FRMD4B: variants seen among roughly 807,000 people sequenced by gnomAD.
The protein encoded by FRMD4B is FERM domain containing 4B, also known as FERM domain-containing protein 4B.
FRMD4B carries 74 observed loss-of-function variants against 141.5 expected under a neutral mutation model. That is an observed-to-expected ratio of 0.52 (90% CI 0.43 to 0.63). The LOEUF (loss-of-function observed/expected upper bound fraction) is 0.63. Among genes scored for constraint, FRMD4B ranks in the 30% least tolerant of loss-of-function variants. The pLI, the probability that FRMD4B is intolerant of heterozygous loss-of-function variation, is 0.00. For synonymous variants in FRMD4B, 506 were observed against 467.9 expected, an observed-to-expected ratio of 1.08 and a Z score of -1.05; for missense variants, 1,366 against 1,253.4, an observed-to-expected ratio of 1.09 and a Z score of -1.36.
chr3:69,244,712 G>A (rs1300171352), intron 7 of FRMD4B, among the ~76,000 whole-genome samples: 1 of 151,976 alleles, frequency 6.6e-6, no homozygotes, highest in African/African-American at 2.4e-5. Context: ...TGGACAACAT[G>A]GTGAAAACTT....
In FRMD4B at chr3:69,456,315, G is replaced by C. The variant is rs1253860099; in HGVS notation, c.-128-23554C>G. On this transcript the variant is annotated intron_variant, in intron 1 of 5. Transcript: ENST00000459638. The stretch of plus-strand genomic sequence containing the variant: ...ATGTAAGTTTTCGAGAAAGCAGTTT[G>C]ATCATGCTTAGCAAAAGACTAAAAA... Among the ~76,000 whole-genome samples the C allele has an allele frequency of 3.3e-5, 5 of 152,316 alleles. No homozygotes were observed. The South Asian group carries it at 8.3e-4, about 25-fold the overall frequency.
At chr3:69,277,859 CT>C (rs57048532) in intron 5 of FRMD4B, among the ~76,000 whole-genome samples, 108,002 of 147,626 alleles carry the variant, frequency 0.73, 39,808 homozygotes, top group East Asian at 0.96. Context: ...TTCTTTCTTT[CT>C]TTTTTTTTTT....
intron 1 of FRMD4B, among the ~76,000 whole-genome samples, chr3:69,457,448 T>C (rs1248328681): frequency 6.6e-6 from 1 of 152,186 alleles, no homozygotes; most frequent in Admixed American, 6.5e-5. Context: ...AAATAAAATA[T>C]TAGTCTACAT....
Position 69,461,128 on chromosome 3 carries a change from G to A in FRMD4B, c.-128-28367C>T, listed in dbSNP as rs764702104. 1.6e-4 allele frequency among the ~76,000 whole-genome samples: 25 copies of A among 152,304 alleles called. 1 individual carries two copies. In the South Asian group the frequency reaches 1.7e-3, roughly 10 times the overall value. On this transcript the variant is annotated intron_variant, in intron 1 of 5. Coordinates refer to the FRMD4B transcript ENST00000459638. The stretch of plus-strand genomic sequence containing the variant: ...TTAGATCTAAAGCAGCTCTCTCTGC[G>A]TGTGATATCCCCTGTCAGTTCTTTG...
At chr3:69,247,322 G>A (rs894174023) in intron 7 of FRMD4B, among the ~76,000 whole-genome samples, 2 of 152,126 alleles carry the variant, frequency 1.3e-5, no homozygotes, top group African/African-American at 2.4e-5. Context: ...TCCATTGAGT[G>A]TGAGCTTTTG....
Position 69,214,794 on chromosome 3 carries a change from C to T in FRMD4B, c.876+1469G>A, listed in dbSNP as rs151094249. On this transcript the variant is annotated intron_variant, in intron 11 of 22. Transcript: ENST00000398540. Reference sequence around the variant, plus strand: ...GAAGGATTGCTTGAGCCAGGGAAATCGAGGCTGCAGTGACCTGTGATCAGG... The same window carrying T: ...GAAGGATTGCTTGAGCCAGGGAAATTGAGGCTGCAGTGACCTGTGATCAGG... Among the ~76,000 whole-genome samples the T allele has an allele frequency of 3.7e-3, 560 of 152,112 alleles. 13 individuals are homozygous for T. The East Asian group carries it at 0.073, about 20-fold the overall frequency.
chr3:69,491,512 T>C (rs1706300744), intron 1 of FRMD4B, among the ~76,000 whole-genome samples: 1 of 152,154 alleles, frequency 6.6e-6, no homozygotes. Context: ...TATTTGCAAT[T>C]AAAGAAAACT....
intron 1 of FRMD4B, among the ~76,000 whole-genome samples, chr3:69,490,667 G>A (rs759925801): frequency 4.6e-5 from 7 of 152,072 alleles, no homozygotes; most frequent in South Asian, 4.1e-4. Context: ...CTTCTGTCTT[G>A]GTTTCCATAT....
chr3:69,424,726 T>G (rs964022321), intron 2 of FRMD4B, among the ~76,000 whole-genome samples: 1 of 152,202 alleles, frequency 6.6e-6, no homozygotes, highest in African/African-American at 2.4e-5. Context: ...AGATATATGT[T>G]GACTACCTTA....
At chr3:69,332,872 C>T (rs919002653) in intron 1 of FRMD4B, among the ~76,000 whole-genome samples, 1 of 151,452 alleles carries the variant, frequency 6.6e-6, no homozygotes, top group Non-Finnish European at 1.5e-5. Flanking sequence ...ATCCACTGTG[C>T]CCAGCCAGGA....
chr3:69,477,913 T>G (rs1446113313), intron 1 of FRMD4B, among the ~76,000 whole-genome samples: 18 of 152,112 alleles, frequency 1.2e-4, no homozygotes, highest in Non-Finnish European at 2.6e-4. Context: ...AGATTCAACT[T>G]CTTCCTGGTT....
intron 19 of FRMD4B, among the ~76,000 whole-genome samples, chr3:69,184,747 G>A (rs1212540945): frequency 6.6e-6 from 1 of 152,116 alleles, no homozygotes; most frequent in Non-Finnish European, 1.5e-5. Flanking sequence ...TATCCAATAG[G>A]ACTTTCTGCA....
At chr3:69,340,203 G>A (rs1357685210) in intron 1 of FRMD4B, among the ~76,000 whole-genome samples, 16 of 151,860 alleles carry the variant, frequency 1.1e-4, no homozygotes, top group Admixed American at 1.1e-3. Context: ...ACATGTACAG[G>A]TTTGTTGTAA....
intron 2 of FRMD4B, among the ~76,000 whole-genome samples, chr3:69,394,126 G>T (rs1250160438): frequency 2.0e-5 from 3 of 152,230 alleles, no homozygotes; most frequent in African/African-American, 7.2e-5. Context: ...CACAGCTCTA[G>T]AGGCTGGGAA....
intron 1 of FRMD4B, among the ~76,000 whole-genome samples, chr3:69,448,332 A>G (rs1160612847): frequency 2.0e-5 from 3 of 152,150 alleles, no homozygotes; most frequent in African/African-American, 7.2e-5. Context: ...GCCTGGCCCC[A>G]GTACAAATCT....
At chr3:69,207,427 C>G (rs557093802) in intron 11 of FRMD4B, among the ~76,000 whole-genome samples, 2 of 152,084 alleles carry the variant, frequency 1.3e-5, no homozygotes, top group African/African-American at 2.4e-5. Flanking sequence ...TCAGACTAGT[C>G]AATCCTATTT....
At chr3:69,531,706 T>A (rs1701011327) in intron 1 of FRMD4B, among the ~76,000 whole-genome samples, 1 of 152,212 alleles carries the variant, frequency 6.6e-6, no homozygotes, top group Non-Finnish European at 1.5e-5. Context: ...ATCATTTTCA[T>A]AGCTTTTCTC....
intron 2 of FRMD4B, among the ~76,000 whole-genome samples, chr3:69,312,099 G>T (rs1160664413): frequency 6.6e-6 from 1 of 152,154 alleles, no homozygotes; most frequent in African/African-American, 2.4e-5. Context: ...TGAGCACCTA[G>T]TTAGAAGAAG....
At chr3:69,206,097 A>G (rs2093021989) in intron 11 of FRMD4B, among the ~76,000 whole-genome samples, 1 of 152,124 alleles carries the variant, frequency 6.6e-6, no homozygotes, top group South Asian at 2.1e-4. Context: ...CACTCCTGTA[A>G]TTCCAGTACT....
Sources: allele counts gnomAD v4.1 joint callset (sites outside exome capture counted in the v4.1 genomes callset), GRCh38; gene constraint gnomAD v4.1.1; transcripts MANE v1.5; gene names NCBI Gene and HGNC (gene_info 2026-07-23, HGNC 2026-07-21).